Variants in GRM7 observed in about 807,000 individuals in gnomAD.
The protein encoded by GRM7 is metabotropic glutamate receptor 7.
A neutral mutation model predicts 84.5 loss-of-function variants in GRM7; 35 were observed. The observed-to-expected ratio is 0.41, with a 90% CI of 0.32 to 0.55. The LOEUF (loss-of-function observed/expected upper bound fraction) is 0.55, where lower values mean the gene tolerates loss of function less well. Among genes scored for constraint, GRM7 ranks in the 20% least tolerant of loss-of-function variants. The pLI is 0.19. For synonymous variants in GRM7, 487 were observed against 455.1 expected, an observed-to-expected ratio of 1.07 and a Z score of -0.89; for missense variants, 1,003 against 1,194.6, an observed-to-expected ratio of 0.84 and a Z score of 2.36.
intron 7 of GRM7, among the ~76,000 whole-genome samples, chr3:7,547,629 G>A (rs1183377648): frequency 6.6e-6 from 1 of 152,132 alleles, no homozygotes; most frequent in Non-Finnish European, 1.5e-5. Context: ...GAAAGTCCAG[G>A]TCAGGGTGTG....
intron 1 of GRM7, among the ~76,000 whole-genome samples, chr3:7,075,935 A>G (rs954351070): frequency 6.9e-6 from 1 of 145,136 alleles, no homozygotes; most frequent in Non-Finnish European, 1.5e-5. Flanking sequence ...ACTGACTTTT[A>G]ATTTTTTTTT....
Position 6,920,941 on chromosome 3 carries a change from T to TA in GRM7, c.519+59035dup, listed in dbSNP as rs546131810. 3.0e-3 allele frequency among the ~76,000 whole-genome samples: 453 copies of TA among 152,318 alleles called. 5 individuals are homozygous for TA. Among genetic ancestry groups the TA allele is most frequent in the Non-Finnish European group, 3.7e-3 (251 of 68,030 alleles). ...CAATAGGAAGATCATGATCTAAAGATACATCTTAGATTATCAGAACCTTAG... is the reference window on the plus strand; with the variant it reads ...CAATAGGAAGATCATGATCTAAAGATAACATCTTAGATTATCAGAACCTTAG... On this transcript the variant is annotated intron_variant, in intron 1 of 9. Transcript: ENST00000357716.
chr3:7,706,358 T>C (rs1692504759), intron 9 of GRM7, among the ~76,000 whole-genome samples: 1 of 152,172 alleles, frequency 6.6e-6, no homozygotes, highest in African/African-American at 2.4e-5. Context: ...ATGCAGAATG[T>C]TGTAGTTTGT....
intron 1 of GRM7, among the ~76,000 whole-genome samples, chr3:6,971,784 T>C (rs1442384158): frequency 6.6e-6 from 1 of 152,186 alleles, no homozygotes; most frequent in Non-Finnish European, 1.5e-5. Context: ...AGAAATTCCT[T>C]ATAGTGATGG....
chr3:7,084,344 G>A (rs758792726), intron 1 of GRM7, among the ~76,000 whole-genome samples: 1 of 152,126 alleles, frequency 6.6e-6, no homozygotes, highest in Non-Finnish European at 1.5e-5. Flanking sequence ...GAGGTAGGTA[G>A]GGCCCAGGAA....
At chr3:6,925,483 C>T (rs1331815770) in intron 1 of GRM7, among the ~76,000 whole-genome samples, 1 of 152,190 alleles carries the variant, frequency 6.6e-6, no homozygotes, top group Non-Finnish European at 1.5e-5. Context: ...GCACCCTCCT[C>T]AGATGAGTTA....
At chr3:7,164,095 A>G (rs1291900661) in intron 2 of GRM7, among the ~76,000 whole-genome samples, 1 of 152,212 alleles carries the variant, frequency 6.6e-6, no homozygotes, top group African/African-American at 2.4e-5. Flanking sequence ...GCAGTGGCTC[A>G]CACCTGTAAT....
intron 4 of GRM7, among the ~76,000 whole-genome samples, chr3:7,412,797 A>G (rs573081601): frequency 1.3e-5 from 2 of 151,646 alleles, no homozygotes; most frequent in Non-Finnish European, 2.9e-5. Context: ...TCTGCCCCTT[A>G]TAAAAGAATG....
At chr3:7,115,522 G>A (rs1693001460) in intron 1 of GRM7, among the ~76,000 whole-genome samples, 1 of 152,122 alleles carries the variant, frequency 6.6e-6, no homozygotes, top group Admixed American at 6.6e-5. Flanking sequence ...ATTGACAAGA[G>A]CCTTTTTCTC....
intron 1 of GRM7, among the ~76,000 whole-genome samples, chr3:6,985,903 C>T (rs1028142412): frequency 4.6e-5 from 7 of 152,082 alleles, no homozygotes; most frequent in Admixed American, 6.6e-5. Flanking sequence ...GACTTAAATT[C>T]GCTTATTTGA....
chr3:7,008,438 C>T (rs1695255246), intron 1 of GRM7, among the ~76,000 whole-genome samples: 1 of 152,190 alleles, frequency 6.6e-6, no homozygotes, highest in Non-Finnish European at 1.5e-5. Flanking sequence ...GGCCTTTACA[C>T]TTACTACACT....
chr3:6,889,510 T>C (rs938321784), intron 1 of GRM7, among the ~76,000 whole-genome samples: 27 of 152,082 alleles, frequency 1.8e-4, no homozygotes, highest in African/African-American at 5.1e-4. Context: ...TTGTCTTTGG[T>C]TCTGTTTATA....
chr3:6,946,966 G>T (rs1698106282), intron 1 of GRM7, among the ~76,000 whole-genome samples: 1 of 152,118 alleles, frequency 6.6e-6, no homozygotes. Context: ...AGAGGATGGG[G>T]TTTTCTAGAT....
intron 2 of GRM7, among the ~76,000 whole-genome samples, chr3:7,159,347 T>G (rs1694551070): frequency 6.6e-6 from 1 of 152,212 alleles, no homozygotes; most frequent in African/African-American, 2.4e-5. Context: ...TTGCTTTATT[T>G]AGCTTTTGCA....
intron 1 of GRM7, among the ~76,000 whole-genome samples, chr3:7,134,366 A>G (rs971485884): frequency 3.3e-5 from 5 of 152,158 alleles, no homozygotes; most frequent in African/African-American, 4.8e-5. Context: ...TAATATTTTC[A>G]AAATATGAGG....
intron 1 of GRM7, among the ~76,000 whole-genome samples, chr3:7,037,403 A>G (rs1206049502): frequency 2.6e-5 from 4 of 152,206 alleles, no homozygotes; most frequent in Non-Finnish European, 5.9e-5. Flanking sequence ...ACCTTTGGAC[A>G]CAGTACTTAA....
intron 1 of GRM7, among the ~76,000 whole-genome samples, chr3:6,903,379 G>C (rs1354425574): frequency 6.6e-6 from 1 of 151,780 alleles, no homozygotes; most frequent in Non-Finnish European, 1.5e-5. Context: ...TTCCTAATTT[G>C]TACAAAATAG....
At chr3:7,085,047 A>G (rs1698404745) in intron 1 of GRM7, among the ~76,000 whole-genome samples, 1 of 152,114 alleles carries the variant, frequency 6.6e-6, no homozygotes, top group Admixed American at 6.5e-5. Flanking sequence ...AGTATTCCAT[A>G]TCTGATTTAA....
chr3:7,539,470 T>C (rs185240184), intron 7 of GRM7, among the ~76,000 whole-genome samples: 56 of 132,296 alleles, frequency 4.2e-4, no homozygotes, highest in Middle Eastern at 3.8e-3. Context: ...AGGTCCGGAG[T>C]TCAAGACTAG....
Sources: allele counts gnomAD v4.1 joint callset (sites outside exome capture counted in the v4.1 genomes callset), GRCh38; gene constraint gnomAD v4.1.1; transcripts MANE v1.5; gene names NCBI Gene and HGNC (gene_info 2026-07-23, HGNC 2026-07-21).